The following ALPK1 variants were observed in gnomAD, a reference collection of about 807,000 sequenced individuals.
ALPK1 encodes the protein alpha-protein kinase 1.
Under a neutral mutation model 120.6 loss-of-function variants are expected in ALPK1, and 110 were observed. The ratio of observed to expected loss-of-function variants is 0.91; its 90% CI spans 0.78 to 1.07. The LOEUF is 1.07. Among genes scored for constraint, ALPK1 ranks in the 50% least tolerant of loss-of-function variants. ALPK1 has a pLI of 0.00. For missense variants in ALPK1, 1,498 were observed against 1,483.9 expected (o/e 1.01, Z -0.16); for synonymous variants, 582 against 560.3 (o/e 1.04, Z -0.55).
intron 2 of ALPK1, among the ~76,000 whole-genome samples, chr4:112,366,399 C>G (rs984719251): frequency 2.0e-5 from 3 of 150,960 alleles, no homozygotes; most frequent in African/African-American, 7.3e-5. Context: ...CATGAATAGA[C>G]AGTTTTCAAA....
chr4:112,324,985 G>T (rs1231304661), intron 2 of ALPK1, among the ~76,000 whole-genome samples: 6 of 132,134 alleles, frequency 4.5e-5, no homozygotes, highest in Non-Finnish European at 8.1e-5. Context: ...GGGGGGGGGG[G>T]GCAAATAGAG....
chr4:112,435,347 C>G, intron 12 of ALPK1, 46 bp downstream of exon 12: 1 of 1,557,064 alleles, frequency 6.4e-7, no homozygotes, highest in Non-Finnish European at 8.7e-7. Flanking sequence ...ATGAGCTAAC[C>G]TTGCTCTTCT....
intron 4 of ALPK1, among the ~76,000 whole-genome samples, chr4:112,394,492 A>C (rs2148736663): frequency 6.6e-6 from 1 of 152,340 alleles, no homozygotes; most frequent in African/African-American, 2.4e-5. Context: ...AAGAGAATGG[A>C]GCTTTGGAGG....
chr4:112,305,914 A>G (rs1728029354), intron 1 of ALPK1, among the ~76,000 whole-genome samples: 1 of 151,998 alleles, frequency 6.6e-6, no homozygotes, highest in Non-Finnish European at 1.5e-5. Flanking sequence ...TTATTTTGCA[A>G]TACATCCCAT....
chr4:112,377,879 C>T lies in ALPK1; in HGVS notation c.102C>T (p.Ser34=), dbSNP rs543243733. 42 of 1,612,622 alleles carry T rather than the reference C, an allele frequency of 2.6e-5. No individual in the cohort carries two copies. Among genetic ancestry groups the T allele is most frequent in the Admixed American group, 1.0e-4 (6 of 59,960 alleles). The change falls in exon 3 of 16, where the codon AGC becomes AGT. Residue 34 remains serine (S), a synonymous_variant. Coordinates refer to ENST00000650871, the MANE Select transcript of ALPK1 (RefSeq NM_025144.4). ...CAGATGTGTCGGAAGAGGACAAGAG[C>T]GAGGACCAGCGCTGCAGAGGTGAGG... The part of the protein sequence containing the change: ...EAPDVSEEDK[S]EDQRCRALLP...
At chr4:112,366,040 A>G (rs188854637) in intron 2 of ALPK1, among the ~76,000 whole-genome samples, 4 of 152,262 alleles carry the variant, frequency 2.6e-5, no homozygotes, top group Admixed American at 1.3e-4. Context: ...ATCTGTCTAT[A>G]TATACAAAAA....
chr4:112,377,993 C>A, intron 3 of ALPK1, 95 bp downstream of exon 3: 1 of 1,256,870 alleles, frequency 8.0e-7, no homozygotes, highest in Non-Finnish European at 1.0e-6. Flanking sequence ...CCCTATTTTT[C>A]TTCTCTTGGC....
chr4:112,300,322 CTTCT>C (rs933821926), intron 1 of ALPK1, among the ~76,000 whole-genome samples: 4 of 152,014 alleles, frequency 2.6e-5, no homozygotes, highest in Middle Eastern at 6.8e-3. Context: ...CTTTCCCTTC[CTTCT>C]ATTTCTTTCT....
chr4:112,333,842 C>T (rs1324217135), intron 2 of ALPK1, among the ~76,000 whole-genome samples: 1 of 152,026 alleles, frequency 6.6e-6, no homozygotes, highest in Admixed American at 6.6e-5. Flanking sequence ...ACACTTCTGC[C>T]CCACAGCCTC....
At chr4:112,315,631 T>G (rs879359868) in intron 1 of ALPK1, among the ~76,000 whole-genome samples, 170 bp from the exon 2 acceptor site, 2 of 152,244 alleles carry the variant, frequency 1.3e-5, no homozygotes, top group Non-Finnish European at 2.9e-5. Context: ...ATGATACAAT[T>G]GTAACTTCTC....
intron 5 of ALPK1, among the ~76,000 whole-genome samples, chr4:112,419,688 G>A (rs1733904224): frequency 6.6e-6 from 1 of 152,176 alleles, no homozygotes; most frequent in Non-Finnish European, 1.5e-5. Flanking sequence ...AAAGAAAATT[G>A]TATCCTGCAT....
chr4:112,356,949 C>A, intron 2 of ALPK1: 1 of 762,484 alleles, frequency 1.3e-6, no homozygotes, highest in Non-Finnish European at 2.4e-6. Context: ...GACCCGAGTT[C>A]GGGACTGGAC....
chr4:112,311,443 T>C (rs1173250149), intron 1 of ALPK1, among the ~76,000 whole-genome samples: 1 of 152,212 alleles, frequency 6.6e-6, no homozygotes, highest in Non-Finnish European at 1.5e-5. Context: ...ATGGTAATGA[T>C]TACTATTTCT....
In ALPK1 at chr4:112,372,374, G is replaced by A. The variant is rs532153064; in HGVS notation, c.-100-5304G>A. ...ACTACAGGCGCCAGCCACCACACCC[G>A]GCTAATTTTTTGTATTTTTAGTAAA... On this transcript the variant is annotated intron_variant, in intron 2 of 15. Coordinates refer to ENST00000650871, the MANE Select transcript of ALPK1 (RefSeq NM_025144.4). Among the ~76,000 whole-genome samples the A allele has an allele frequency of 8.4e-4, 127 of 151,854 alleles. 3 individuals carry two copies. In the South Asian group the frequency reaches 0.024, roughly 28 times the overall value.
chr4:112,354,293 T>A (rs1560649890), intron 2 of ALPK1, among the ~76,000 whole-genome samples: 1 of 152,258 alleles, frequency 6.6e-6, no homozygotes, highest in East Asian at 1.9e-4. Context: ...CTCCGTTAGA[T>A]ATTCTCTTTT....
chr4:112,427,009 G>A (rs1008925718), intron 8 of ALPK1, among the ~76,000 whole-genome samples: 3 of 152,118 alleles, frequency 2.0e-5, no homozygotes, highest in African/African-American at 7.2e-5. Flanking sequence ...AATTCTGTGG[G>A]AATAGTCTCA....
chr4:112,432,893 G>A (rs1031929760), intron 11 of ALPK1, among the ~76,000 whole-genome samples: 16 of 152,174 alleles, frequency 1.1e-4, no homozygotes, highest in Middle Eastern at 3.2e-3. Flanking sequence ...AAACAGCTCT[G>A]GAGGCCGTCT....
At position 112,442,435 on chromosome 4, in the gene ALPK1, G is replaced by A. The variant is rs1735074057; in HGVS notation, c.*1225G>A. On this transcript the variant is annotated 3_prime_UTR_variant, in exon 16 of 16. Transcript: ENST00000650871. ...AGTGATGAGAGTAGGTGGACACATA[G>A]AGGGAACAACACACACCAGGGCTTA... The A allele has an allele frequency of 6.6e-6, 1 of 152,132 alleles. No individual in the cohort carries two copies. The highest frequency in any genetic ancestry group is 2.4e-5 in the African/African-American group (1 of 41,428). 9.4% of individuals were successfully genotyped at this position (152,132 alleles called of 1,614,324 possible).
Position 112,431,216 on chromosome 4 carries a change from A to C in ALPK1, c.1669A>C (p.Thr557Pro), listed in dbSNP as rs1463673568. ...CTTGGATCAAGATGTGGAGACTGAG[A>C]CTGAGCCATCGGACTACAGCAATGG... ...VSLDQDVETETEPSDYSNGEG... is the reference protein window; with the variant it reads ...VSLDQDVETEPEPSDYSNGEG... The change falls in exon 11 of 16, where the codon ACT becomes CCT. Residue 557 changes from threonine to proline, a missense_variant. By Grantham distance (38) the Thr-to-Pro change is conservative. Transcript: ENST00000650871. 6.2e-7 allele frequency: 1 copy of C among 1,614,086 alleles called. No homozygotes were observed. Among genetic ancestry groups the C allele is most frequent in the Non-Finnish European group, 8.5e-7 (1 of 1,180,032 alleles).
Sources: gnomAD v4.1 joint callset for allele counts (sites outside exome capture counted in the v4.1 genomes callset) on GRCh38, gnomAD v4.1.1 for gene constraint, MANE v1.5 for transcripts, NCBI Gene and HGNC (gene_info 2026-07-23, HGNC 2026-07-21) for gene names.